NRTN: variants seen among roughly 807,000 people sequenced by gnomAD.
The protein encoded by NRTN is prepro-neurturin.
Under a neutral mutation model 7.5 loss-of-function variants are expected in NRTN, and 3 were observed. The ratio of observed to expected loss-of-function variants is 0.40; its 90% CI spans 0.18 to 1.03. The LOEUF (loss-of-function observed/expected upper bound fraction) is 1.03, where lower values mean the gene tolerates loss of function less well. NRTN is among the 50% of genes least tolerant of loss of function. The pLI, the probability that NRTN is intolerant of heterozygous loss-of-function variation, is 0.34. For missense variants in NRTN, 310 were observed against 307.0 expected, an observed-to-expected ratio of 1.01 and a Z score of -0.07; for synonymous variants, 157 against 146.6, an observed-to-expected ratio of 1.07 and a Z score of -0.51.
In NRTN at chr19:5,828,196, G is replaced by C. The variant is rs1265521682; in HGVS notation, c.*23G>C. 6 of 1,528,170 alleles carry C rather than the reference G, an allele frequency of 3.9e-6. No individual in the cohort carries two copies. Among genetic ancestry groups the C allele is most frequent in the Non-Finnish European group, 5.2e-6 (6 of 1,143,430 alleles). 94.7% of individuals were successfully genotyped at this position (1,528,170 alleles called of 1,614,324 possible). On this transcript the variant is annotated 3_prime_UTR_variant, in exon 3 of 3. Transcript: ENST00000303212. ...TGACCCTACCTCACTCGGCCGGCGCGGCGGCCACTCCCCCCGCCTCGACGG... is the reference window on the plus strand; with the variant it reads ...TGACCCTACCTCACTCGGCCGGCGCCGCGGCCACTCCCCCCGCCTCGACGG...
In NRTN at chr19:5,827,804, C is replaced by T. The variant is rs771492263; in HGVS notation, c.225C>T (p.Pro75=). The T allele has an allele frequency of 8.4e-7, 1 of 1,186,108 alleles. No homozygotes were observed. The highest frequency in any genetic ancestry group is 1.0e-6 in the Non-Finnish European group (1 of 958,336). The allele number at this position is 1,186,108 out of a possible 1,614,324, so 73.5% of individuals were successfully genotyped here. ...PDAMELRELT[P]WAGRPPGPRR... is the part of the protein sequence containing the mutation. The stretch of plus-strand genomic sequence containing the variant: ...CGATGGAGCTGCGCGAGCTGACGCC[C>T]TGGGCTGGGCGGCCCCCAGGTCCGC... Residue 75 remains proline (P), a synonymous_variant, in exon 3 of 3, where the codon CCC becomes CCT. Transcript: ENST00000303212.
chr19:5,823,702 T>C, intron 1 of NRTN, 66 bp from the exon 2 acceptor site: 1 of 291,842 alleles, frequency 3.4e-6, no homozygotes, highest in Non-Finnish European at 6.7e-6. Context: ...CCCCGCGCCT[T>C]TGTCCCACAC....
Position 5,805,460 on chromosome 19 carries a change from G to C in NRTN, c.-399+9G>C, listed in dbSNP as rs2056972424. ...TCCGGCGCCCACAGCAGGTAAGCAA[G>C]GGGCAGGCGGGGCAGGTGGGGGGGC... On this transcript the variant is annotated intron_variant, in intron 1 of 2. Coordinates refer to ENST00000303212, the MANE Select transcript of NRTN (RefSeq NM_004558.5). Among the ~76,000 whole-genome samples, 10 of 151,614 alleles carry C rather than the reference G, an allele frequency of 6.6e-5. No individual in the cohort carries two copies. The South Asian group carries it at 2.1e-3, about 31-fold the overall frequency.
intron 1 of NRTN, among the ~76,000 whole-genome samples, chr19:5,823,208 G>C (rs2057032372): frequency 6.6e-6 from 1 of 152,198 alleles, no homozygotes. Flanking sequence ...CTTGAGTTCA[G>C]GAGCTTGAGA....
intron 1 of NRTN, among the ~76,000 whole-genome samples, chr19:5,820,932 T>C (rs1478554224): frequency 6.6e-6 from 1 of 152,090 alleles, no homozygotes; most frequent in Non-Finnish European, 1.5e-5. Context: ...CTCCTCACTC[T>C]GCTCAGACAC....
intron 1 of NRTN, among the ~76,000 whole-genome samples, chr19:5,808,816 T>C (rs1213585778): frequency 2.0e-5 from 3 of 148,942 alleles, no homozygotes; most frequent in African/African-American, 2.5e-5. Flanking sequence ...AGTGCAGTGG[T>C]GCGATCTCGG....
At chr19:5,808,754 T>C (rs1214740845) in intron 1 of NRTN, among the ~76,000 whole-genome samples, 2 of 141,290 alleles carry the variant, frequency 1.4e-5, no homozygotes, top group Non-Finnish European at 3.0e-5. Flanking sequence ...TCTTCAATGG[T>C]GGCTTTTTTT....
At chr19:5,812,566 C>T (rs1030294538) in intron 1 of NRTN, among the ~76,000 whole-genome samples, 1 of 152,244 alleles carries the variant, frequency 6.6e-6, no homozygotes, top group Non-Finnish European at 1.5e-5. Flanking sequence ...CCTGGTTTGC[C>T]CCCAGATGTG....
intron 2 of NRTN, among the ~76,000 whole-genome samples, chr19:5,827,386 G>A (rs1253336195): frequency 6.6e-6 from 1 of 152,056 alleles, no homozygotes; most frequent in Non-Finnish European, 1.5e-5. Context: ...GTGAGAGAGG[G>A]GCCCAGAGGA....
intron 1 of NRTN, among the ~76,000 whole-genome samples, chr19:5,815,771 GACTC>G (rs1468993648): frequency 3.9e-5 from 5 of 127,602 alleles, no homozygotes; most frequent in African/African-American, 1.5e-4. Flanking sequence ...TTGAAACAGA[GACTC>G]ACTCTATTGC....
At chr19:5,826,048 T>A (rs2057044870) in intron 2 of NRTN, among the ~76,000 whole-genome samples, 1 of 150,896 alleles carries the variant, frequency 6.6e-6, no homozygotes, top group Non-Finnish European at 1.5e-5. Context: ...GGCGGGAGAA[T>A]GGCGTGAACC....
At position 5,817,174 on chromosome 19, in the gene NRTN, AAAAAAC is replaced by A. The variant is rs558378885; in HGVS notation, c.-398-6570_-398-6565del. 5.5e-3 allele frequency among the ~76,000 whole-genome samples: 831 copies of A among 151,886 alleles called. 4 individuals carry two copies. The highest frequency in any genetic ancestry group is 8.8e-3 in the Non-Finnish European group (601 of 67,958). On this transcript the variant is annotated intron_variant, in intron 1 of 2. Coordinates refer to ENST00000303212, the MANE Select transcript of NRTN (RefSeq NM_004558.5). ...AACACAGTGAAACCCAGTTTCTACC[AAAAAAC>A]AAAAACAAAAACAAAAACAAAAATA...
At chr19:5,813,551 G>A (rs543341189) in intron 1 of NRTN, among the ~76,000 whole-genome samples, 1 of 152,264 alleles carries the variant, frequency 6.6e-6, no homozygotes, top group South Asian at 2.1e-4. Context: ...GCTTATGGCT[G>A]TAATCCTACC....
chr19:5,812,481 A>G (rs2056993315), intron 1 of NRTN, among the ~76,000 whole-genome samples: 1 of 152,190 alleles, frequency 6.6e-6, no homozygotes, highest in African/African-American at 2.4e-5. Context: ...ACCCCCTGAC[A>G]CATGAAGCCA....
chr19:5,808,423 G>A (rs2144755004), intron 1 of NRTN, among the ~76,000 whole-genome samples: 1 of 152,304 alleles, frequency 6.6e-6, no homozygotes, highest in Admixed American at 6.5e-5. Flanking sequence ...GTGTGGTCAA[G>A]GTGGCAACTT....
intron 1 of NRTN, among the ~76,000 whole-genome samples, chr19:5,823,110 GAAAGAA>G (rs1568399581): frequency 2.0e-4 from 26 of 129,364 alleles, no homozygotes; most frequent in African/African-American, 3.5e-4. Context: ...AAAAAGGAAA[GAAAGAA>G]AGAGAAAGAG....
intron 1 of NRTN, among the ~76,000 whole-genome samples, chr19:5,809,662 T>G (rs752735455): frequency 3.3e-5 from 5 of 152,152 alleles, no homozygotes; most frequent in Non-Finnish European, 7.4e-5. Context: ...AATAAGTGTT[T>G]GTCAGGTTAA....
chr19:5,817,891 C>G (rs1408146086), intron 1 of NRTN, among the ~76,000 whole-genome samples: 1 of 152,168 alleles, frequency 6.6e-6, no homozygotes, highest in Non-Finnish European at 1.5e-5. Flanking sequence ...CCTCTGCCTC[C>G]CGGGTTCAAG....
intron 1 of NRTN, among the ~76,000 whole-genome samples, chr19:5,822,870 A>G (rs118014944): frequency 0.029 from 4,373 of 152,178 alleles, 73 homozygotes; most frequent in Middle Eastern, 0.11. Context: ...AAAATTAAAA[A>G]TTAGCCAGGC....
Sources: gnomAD v4.1 joint callset for allele counts (sites outside exome capture counted in the v4.1 genomes callset) on GRCh38, gnomAD v4.1.1 for gene constraint, MANE v1.5 for transcripts, NCBI Gene and HGNC (gene_info 2026-07-23, HGNC 2026-07-21) for gene names.